The following MTF2 variants were observed in gnomAD, a reference collection of about 807,000 sequenced individuals.
MTF2 encodes the protein metal-response element-binding transcription factor 2.
In MTF2, 11 loss-of-function variants were observed where a neutral mutation model predicts 79.5. The observed-to-expected ratio is 0.14, with a 90% CI of 0.09 to 0.23. The LOEUF is 0.23. Among genes scored for constraint, MTF2 ranks in the 10% least tolerant of loss-of-function variants. MTF2 has a pLI of 1.00. For missense variants in MTF2, 486 were observed against 711.2 expected, an observed-to-expected ratio of 0.68 and a Z score of 3.60; for synonymous variants, 208 against 232.8, an observed-to-expected ratio of 0.89 and a Z score of 0.97.
chr1:93,118,194 G>A (rs897944042), intron 6 of MTF2, 151 bp from the exon 7 acceptor site: 18 of 444,488 alleles, frequency 4.0e-5, no homozygotes, highest in Middle Eastern at 6.0e-4. Context: ...TTTGGGAAAG[G>A]AAATATTTAC....
In MTF2 at chr1:93,111,129, G is replaced by A. The variant is rs141310303; in HGVS notation, c.286+503G>A. On this transcript the variant is annotated intron_variant, in intron 3 of 14. Coordinates refer to ENST00000370298, the MANE Select transcript of MTF2 (RefSeq NM_007358.4). The stretch of plus-strand genomic sequence containing the variant: ...TATTTGTGTGCCAATAAAAATGAAT[G>A]AAAGTATGCCTTGGTTTGGTTATAG... 7.7e-3 allele frequency among the ~76,000 whole-genome samples: 1,178 copies of A among 152,232 alleles called. 21 individuals carry two copies. Among genetic ancestry groups the A allele is most frequent in the African/African-American group, 0.027 (1,124 of 41,524 alleles).
chr1:93,081,883 G>A (rs1654619656), intron 1 of MTF2, among the ~76,000 whole-genome samples: 1 of 152,172 alleles, frequency 6.6e-6, no homozygotes. Flanking sequence ...AGGGGTTATT[G>A]CATCCATGTA....
intron 11 of MTF2, among the ~76,000 whole-genome samples, chr1:93,132,165 A>G (rs1656945685): frequency 6.6e-6 from 1 of 152,204 alleles, no homozygotes; most frequent in African/African-American, 2.4e-5. Context: ...AAGGTATGGA[A>G]TAGTCATCTT....
chr1:93,128,481 C>T (rs1057372403), intron 10 of MTF2, among the ~76,000 whole-genome samples: 16 of 150,622 alleles, frequency 1.1e-4, no homozygotes, highest in African/African-American at 3.2e-4. Flanking sequence ...CGCTTGAACC[C>T]GGGAGGTAGA....
intron 9 of MTF2, among the ~76,000 whole-genome samples, chr1:93,122,217 T>C (rs979289195): frequency 2.6e-5 from 4 of 152,200 alleles, no homozygotes; most frequent in Non-Finnish European, 5.9e-5. Flanking sequence ...AATACATTTG[T>C]TTAAAAATTC....
intron 3 of MTF2, among the ~76,000 whole-genome samples, chr1:93,110,924 G>T (rs1351033980): frequency 6.6e-6 from 1 of 152,160 alleles, no homozygotes; most frequent in East Asian, 1.9e-4. Flanking sequence ...CAATTCAACT[G>T]TTGCTTGCTT....
chr1:93,112,815 T>C (rs1369160812), intron 3 of MTF2, among the ~76,000 whole-genome samples: 1 of 152,160 alleles, frequency 6.6e-6, no homozygotes, highest in African/African-American at 2.4e-5. Context: ...TATATACATA[T>C]ATGTTTGATT....
intron 3 of MTF2, among the ~76,000 whole-genome samples, chr1:93,111,806 A>C (rs1245309400): frequency 6.6e-6 from 1 of 152,178 alleles, no homozygotes; most frequent in Non-Finnish European, 1.5e-5. Context: ...ACTACCCTGC[A>C]CACAAAATTA....
chr1:93,083,860 T>G (rs1025263918), intron 1 of MTF2, among the ~76,000 whole-genome samples: 5 of 152,248 alleles, frequency 3.3e-5, no homozygotes, highest in Non-Finnish European at 7.3e-5. Flanking sequence ...TTGTTGGCCA[T>G]TTGTATACCT....
Position 93,079,432 on chromosome 1 carries a change from C to A in MTF2, c.-95C>A. ...TGCCGGGTACCCGGTGGGGCGGGTG[C>A]CCAGTAAGTGCTCGGACTCGCAGGG... is the stretch of plus-strand genomic sequence containing the variant. On this transcript the variant is annotated 5_prime_UTR_variant, in exon 1 of 15. Coordinates refer to ENST00000370298, the MANE Select transcript of MTF2 (RefSeq NM_007358.4). 1.3e-6 allele frequency: 2 copies of A among 1,523,678 alleles called. No individual in the cohort carries two copies. The highest frequency in any genetic ancestry group is 1.4e-5 in the African/African-American group (1 of 73,184). 94.4% of individuals were successfully genotyped at this position (1,523,678 alleles called of 1,614,324 possible).
intron 9 of MTF2, 91 bp from the exon 10 acceptor site, chr1:93,127,141 T>G: frequency 1.2e-6 from 1 of 847,794 alleles, no homozygotes; most frequent in Non-Finnish European, 2.0e-6. Flanking sequence ...CAGTACACTT[T>G]TCCTCTGCAT....
At chr1:93,129,754 A>T (rs1248877570) in intron 11 of MTF2, among the ~76,000 whole-genome samples, 1 of 152,222 alleles carries the variant, frequency 6.6e-6, no homozygotes, top group Non-Finnish European at 1.5e-5. Context: ...TGATTGATTC[A>T]TTCATTCAGC....
chr1:93,106,204 T>C (rs1015396875), intron 1 of MTF2, among the ~76,000 whole-genome samples: 5 of 152,166 alleles, frequency 3.3e-5, no homozygotes, highest in African/African-American at 9.7e-5. Flanking sequence ...AAAAAATGTT[T>C]GATACCTTAT....
At chr1:93,111,196 T>A (rs1183738427) in intron 3 of MTF2, among the ~76,000 whole-genome samples, 1 of 152,172 alleles carries the variant, frequency 6.6e-6, no homozygotes. Flanking sequence ...AAACCATGAT[T>A]GTTTCATGCT....
In MTF2 at chr1:93,115,632, G is replaced by A; in HGVS notation, c.632+14G>A. The A allele has an allele frequency of 6.6e-7, 1 of 1,521,466 alleles. No individual in the cohort carries two copies. The highest frequency in any genetic ancestry group is 8.8e-7 in the Non-Finnish European group (1 of 1,132,770). The allele number at this position is 1,521,466 out of a possible 1,614,324, so 94.2% of individuals were successfully genotyped here. ...AGGCCCTGGAGAGTAAGTAAATACAGTTATGTAATTCCCTTTAAGTAATTT... is the reference window on the plus strand; with the variant it reads ...AGGCCCTGGAGAGTAAGTAAATACAATTATGTAATTCCCTTTAAGTAATTT... On this transcript the variant is annotated intron_variant, in intron 6 of 14. Coordinates refer to ENST00000370298, the MANE Select transcript of MTF2 (RefSeq NM_007358.4).
chr1:93,136,685 A>C lies in MTF2; in HGVS notation c.1440A>C (p.Arg480Ser). The C allele has an allele frequency of 1.2e-6, 2 of 1,612,560 alleles. No individual in the cohort carries two copies. The highest frequency in any genetic ancestry group is 1.7e-6 in the Non-Finnish European group (2 of 1,179,366). Residue 480 changes from arginine to serine, a missense_variant, in exon 15 of 15, where the codon AGA becomes AGC. Transcript: ENST00000370298. Reference sequence around the variant, plus strand: ...TGTTACATAGATTATCTGACTCCAGAAAAAGAACGCGTACAGGAAGATCTT... The same window carrying C: ...TGTTACATAGATTATCTGACTCCAGCAAAAGAACGCGTACAGGAAGATCTT... ...ISRHYGLSDS[R>S]KRTRTGRSWP...
chr1:93,126,975 T>C (rs1227820626), intron 9 of MTF2, among the ~76,000 whole-genome samples: 1 of 152,160 alleles, frequency 6.6e-6, no homozygotes, highest in African/African-American at 2.4e-5. Context: ...TTCATAAACA[T>C]ATCGTTGGAT....
In MTF2 at chr1:93,119,418, C is replaced by A; in HGVS notation, c.797+17C>A. On this transcript the variant is annotated intron_variant, in intron 8 of 14. Coordinates refer to ENST00000370298, the MANE Select transcript of MTF2 (RefSeq NM_007358.4). ...ATTACAGTGGTAAGTGTGGACCTTTCTGTTAAAAGAAAGAAAAGCCATTTT... is the reference window on the plus strand; with the variant it reads ...ATTACAGTGGTAAGTGTGGACCTTTATGTTAAAAGAAAGAAAAGCCATTTT... 1 of 1,542,796 alleles carries A rather than the reference C, an allele frequency of 6.5e-7. No homozygotes were observed. Among genetic ancestry groups the A allele is most frequent in the Non-Finnish European group, 8.7e-7 (1 of 1,146,404 alleles).
chr1:93,101,366 CTTTTTTTTTT>C (rs71586777), intron 1 of MTF2, among the ~76,000 whole-genome samples: 10 of 108,620 alleles, frequency 9.2e-5, no homozygotes, highest in Admixed American at 2.9e-4. Flanking sequence ...CTATCTTAAC[CTTTTTTTTTT>C]TTTTTTTTTT....
Sources: allele counts gnomAD v4.1 joint callset (sites outside exome capture counted in the v4.1 genomes callset), GRCh38; gene constraint gnomAD v4.1.1; transcripts MANE v1.5; gene names NCBI Gene and HGNC (gene_info 2026-07-23, HGNC 2026-07-21).